Variants in SHD observed in about 807,000 individuals in gnomAD.
The protein encoded by SHD is Src homology 2 domain containing transforming protein D, also known as SH2 domain-containing adapter protein D.
In SHD, 29 loss-of-function variants were observed where a neutral mutation model predicts 31.2. The observed-to-expected ratio is 0.93, with a 90% confidence interval of 0.69 to 1.27. The LOEUF (loss-of-function observed/expected upper bound fraction) is 1.27, where lower values mean the gene tolerates loss of function less well. Among genes scored for constraint, SHD ranks in the 50% most tolerant of loss-of-function variants. SHD has a pLI of 0.00. For synonymous variants in SHD, 208 were observed against 187.8 expected, an observed-to-expected ratio of 1.11 and a Z score of -0.88; for missense variants, 520 against 453.8, an observed-to-expected ratio of 1.15 and a Z score of -1.33.
chr19:4,286,338 TTCTTTCTC>T, intron 4 of SHD, among the ~76,000 whole-genome samples: 1 of 143,644 alleles, frequency 7.0e-6, no homozygotes, highest in South Asian at 2.2e-4. Context: ...CTTCCTTCCT[TTCTTTCTC>T]TCTTTCTTTC....
At chr19:4,284,990 A>G (rs1480576757) in intron 4 of SHD, 86 bp downstream of exon 4, 18 of 1,354,014 alleles carry the variant, frequency 1.3e-5, no homozygotes, top group Non-Finnish European at 1.5e-5. Flanking sequence ...TTCGTTTCCC[A>G]GATTAGAGGA....
At chr19:4,282,591 C>A (rs1479236987) in intron 1 of SHD, among the ~76,000 whole-genome samples, 2 of 151,910 alleles carry the variant, frequency 1.3e-5, no homozygotes, top group African/African-American at 4.8e-5. Context: ...TGGCGGGCGC[C>A]TGTAGTCCCA....
At chr19:4,289,067 C>T (rs990645390) in intron 5 of SHD, among the ~76,000 whole-genome samples, 5 of 148,620 alleles carry the variant, frequency 3.4e-5, no homozygotes, top group South Asian at 4.3e-4. Flanking sequence ...ACCTGGGAGA[C>T]GGAAGACTTT....
intron 1 of SHD, among the ~76,000 whole-genome samples, chr19:4,281,542 G>A (rs1183701830): frequency 6.6e-6 from 1 of 150,688 alleles, no homozygotes; most frequent in East Asian, 2.0e-4. Flanking sequence ...TGGATCACCT[G>A]AGGTCAGGAG....
At position 4,289,278 on chromosome 19, in the gene SHD, T is replaced by C. The variant is rs1971351765; in HGVS notation, c.836+916T>C. Among the ~76,000 whole-genome samples the C allele has an allele frequency of 2.0e-5, 3 of 149,294 alleles. No homozygotes were observed. In the Admixed American group the frequency reaches 2.0e-4, roughly 10 times the overall value. ...GGCGCCCACCACCACGCCCGGCTAA[T>C]TTTTTTGTATTTTTAGTAGAGACGG... On this transcript the variant is annotated intron_variant, in intron 5 of 5. Transcript: ENST00000543264.
At chr19:4,284,757 T>C in intron 3 of SHD, 24 bp from the exon 4 acceptor site, 1 of 1,563,746 alleles carries the variant, frequency 6.4e-7, no homozygotes. Context: ...ACTTAACCCT[T>C]TCCTCTCTAA....
intron 3 of SHD, among the ~76,000 whole-genome samples, chr19:4,283,477 C>T (rs1169588132): frequency 1.3e-5 from 2 of 152,162 alleles, no homozygotes; most frequent in Non-Finnish European, 2.9e-5. Flanking sequence ...CCTACTTATC[C>T]TGCTCAGTGT....
chr19:4,288,135 C>A (rs1483739691), intron 4 of SHD, 108 bp from the exon 5 acceptor site: 4 of 1,331,996 alleles, frequency 3.0e-6, no homozygotes, highest in Non-Finnish European at 4.1e-6. Context: ...GAACTCCTGA[C>A]CTCAGGCAAT....
At chr19:4,286,259 CTCTCTT>C (rs1971313599) in intron 4 of SHD, among the ~76,000 whole-genome samples, 4 of 115,364 alleles carry the variant, frequency 3.5e-5, no homozygotes, top group Non-Finnish European at 5.5e-5. Flanking sequence ...TTCTTTCTTT[CTCTCTT>C]TCTTTCTTTC....
chr19:4,283,564 TTA>T (rs200377173), intron 3 of SHD, among the ~76,000 whole-genome samples: 12,765 of 150,734 alleles, frequency 0.085, 1,218 homozygotes, highest in African/African-American at 0.23. Context: ...TTATTTTATT[TTA>T]TTTTATTTTA....
chr19:4,279,744 C>T lies in SHD; in HGVS notation c.-320C>T, dbSNP rs961844630. 2.4e-5 allele frequency: 7 copies of T among 288,280 alleles called. No individual in the cohort carries two copies. The highest frequency in any genetic ancestry group is 1.3e-4 in the African/African-American group (6 of 45,866). 17.9% of individuals were successfully genotyped at this position (288,280 alleles called of 1,614,324 possible). On this transcript the variant is annotated 5_prime_UTR_variant, in exon 1 of 6. Transcript: ENST00000543264. This position sits in a 1 kb window ranked among gnomAD's most constrained non-coding sequence, Gnocchi z 7.5. Reference sequence around the variant, plus strand: ...CCCGCGGAAACTCCGCGCGCCTCCGCGGATGCCCCTCGCCCTAGCCCCCAG... The same window carrying T: ...CCCGCGGAAACTCCGCGCGCCTCCGTGGATGCCCCTCGCCCTAGCCCCCAG...
chr19:4,283,191 T>A lies in SHD; in HGVS notation c.541T>A (p.Tyr181Asn). The change falls in exon 3 of 6, where the codon TAT becomes AAT. Residue 181 changes from tyrosine to asparagine, a missense_variant. Physicochemically the swap from Tyr to Asn is moderately radical, Grantham distance 143 (BLOSUM62 -2). Transcript: ENST00000543264. ...GGAAGATGAACGGCCAGCAGATGAGTATGATCAGCCCTGGGAGTGGAAGAA... is the reference window on the plus strand; with the variant it reads ...GGAAGATGAACGGCCAGCAGATGAGAATGATCAGCCCTGGGAGTGGAAGAA... Reference protein sequence around the residue: ...PQEDERPADEYDQPWEWKKDH... With the variant: ...PQEDERPADENDQPWEWKKDH... 6.2e-7 allele frequency: 1 copy of A among 1,613,962 alleles called. No homozygotes were observed. The highest frequency in any genetic ancestry group is 1.1e-5 in the South Asian group (1 of 91,074).
rs377383564 is a variant in SHD at position 4,290,499 on chromosome 19, G to A, written c.889G>A (p.Val297Met). 8 of 1,613,490 alleles carry A rather than the reference G, an allele frequency of 5.0e-6. No homozygotes were observed. The highest frequency in any genetic ancestry group is 6.8e-6 in the Non-Finnish European group (8 of 1,180,006). ...LKFARTRENQVVLGQHSGPFP... is the reference protein window; with the variant it reads ...LKFARTRENQMVLGQHSGPFP... ...GTTCGCGCGGACCCGTGAGAACCAGGTGGTGCTGGGCCAACACAGCGGGCC... is the reference window on the plus strand; with the variant it reads ...GTTCGCGCGGACCCGTGAGAACCAGATGGTGCTGGGCCAACACAGCGGGCC... The change falls in exon 6 of 6, where the codon GTG (valine) becomes ATG (methionine). Residue 297 changes from valine (V) to methionine (M), a missense_variant. Physicochemically the swap from Val to Met is conservative, Grantham distance 21. Coordinates refer to ENST00000543264, the MANE Select transcript of SHD (RefSeq NM_020209.4).
At chr19:4,283,456 G>T (rs1971277119) in intron 3 of SHD, among the ~76,000 whole-genome samples, 1 of 152,160 alleles carries the variant, frequency 6.6e-6, no homozygotes, top group East Asian at 1.9e-4. Context: ...ACTTTTTAGA[G>T]TGGAATGGAA....
intron 5 of SHD, among the ~76,000 whole-genome samples, chr19:4,289,861 G>A (rs919994257): frequency 2.6e-5 from 4 of 151,102 alleles, no homozygotes; most frequent in African/African-American, 7.3e-5. Flanking sequence ...GTGAGCCACC[G>A]CGCCCAGCCT....
chr19:4,279,946 A>G lies in SHD; in HGVS notation c.-118A>G. 7.1e-6 allele frequency: 9 copies of G among 1,268,332 alleles called. No homozygotes were observed. Among genetic ancestry groups the G allele is most frequent in the Non-Finnish European group, 9.6e-6 (9 of 933,710 alleles). The allele number at this position is 1,268,332 out of a possible 1,614,324, so 78.6% of individuals were successfully genotyped here. On this transcript the variant is annotated 5_prime_UTR_variant, in exon 1 of 6. Transcript: ENST00000543264. This position sits in a 1 kb window ranked among gnomAD's most constrained non-coding sequence, Gnocchi z 7.5. ...CCAAAGGGCGCACCTGATCTTTCTCATCCTTCCCTGCTCTTCCCTTCCTCT... is the reference window on the plus strand; with the variant it reads ...CCAAAGGGCGCACCTGATCTTTCTCGTCCTTCCCTGCTCTTCCCTTCCTCT...
At chr19:4,283,493 G>A (rs1971277390) in intron 3 of SHD, among the ~76,000 whole-genome samples, 1 of 152,126 alleles carries the variant, frequency 6.6e-6, no homozygotes, top group African/African-American at 2.4e-5. Flanking sequence ...AGTGTGGTGT[G>A]GGGAGAGGAA....
At chr19:4,282,810 C>T (rs1026187942) in intron 1 of SHD, 60 bp from the exon 2 acceptor site, 12 of 1,455,488 alleles carry the variant, frequency 8.2e-6, no homozygotes, top group South Asian at 2.3e-5. Flanking sequence ...AGAGGTGCAG[C>T]GTCAATTAGC....
intron 5 of SHD, among the ~76,000 whole-genome samples, chr19:4,290,109 C>T (rs1971361514): frequency 6.6e-6 from 1 of 151,462 alleles, no homozygotes; most frequent in Non-Finnish European, 1.5e-5. Flanking sequence ...CTCGTAACCT[C>T]AAGTGATCTG....
Sources: allele counts gnomAD v4.1 joint callset (sites outside exome capture counted in the v4.1 genomes callset), GRCh38; gene constraint gnomAD v4.1.1; non-coding constraint Gnocchi (gnomAD v3.1); transcripts MANE v1.5; gene names NCBI Gene and HGNC (gene_info 2026-07-23, HGNC 2026-07-21).